Variants in KREMEN1 observed in about 807,000 individuals in gnomAD.
KREMEN1 encodes the protein kringle containing transmembrane protein 1.
Under a neutral mutation model 46.5 loss-of-function variants are expected in KREMEN1, and 30 were observed. The observed-to-expected ratio is 0.65, with a 90% CI of 0.48 to 0.88. The LOEUF (loss-of-function observed/expected upper bound fraction) is 0.88. KREMEN1 is among the 40% of genes least tolerant of loss of function. The pLI, the probability that KREMEN1 is intolerant of heterozygous loss-of-function variation, is 0.00. For synonymous variants in KREMEN1, 214 were observed against 230.6 expected, an observed-to-expected ratio of 0.93 and a Z score of 0.65; for missense variants, 533 against 596.9, an observed-to-expected ratio of 0.89 and a Z score of 1.11.
chr22:29,092,941 C>T (rs1307033658), intron 1 of KREMEN1, among the ~76,000 whole-genome samples: 1 of 152,132 alleles, frequency 6.6e-6, no homozygotes, highest in Admixed American at 6.5e-5. Flanking sequence ...CAACACTGCA[C>T]TCCAGCCTGG....
chr22:29,143,773 G>A lies in KREMEN1; in HGVS notation c.*1661G>A, dbSNP rs957062269. On this transcript the variant is annotated 3_prime_UTR_variant, in exon 9 of 9. Transcript: ENST00000400335. ...AAAAAAAACACTCCAAGGGCCATCC[G>A]TGCTCTCTGCCCCTCCTGTGGGGAC... 9.1e-6 allele frequency: 9 copies of A among 984,468 alleles called. No homozygotes were observed. Among genetic ancestry groups the A allele is most frequent in the African/African-American group, 8.8e-5 (5 of 57,038 alleles). 61.0% of individuals were successfully genotyped at this position (984,468 alleles called of 1,614,324 possible). A position where few individuals can be genotyped will look rare whatever the true frequency, so the allele number is the denominator to read the frequency against.
chr22:29,143,173 CA>C lies in KREMEN1; in HGVS notation c.*1069del, dbSNP rs147727103. Reference sequence around the variant, plus strand: ...CTCAAAAAAACAAAACACAAATAAACAAAAAAAATCCATTCATTTACTCATG... The same window carrying C: ...CTCAAAAAAACAAAACACAAATAAACAAAAAAATCCATTCATTTACTCATG... On this transcript the variant is annotated 3_prime_UTR_variant, in exon 9 of 9. Coordinates refer to ENST00000400335, the MANE Select transcript of KREMEN1 (RefSeq NM_001039570.3). The C allele has an allele frequency of 1.1e-5, 11 of 984,020 alleles. No homozygotes were observed. Among genetic ancestry groups the C allele is most frequent in the Non-Finnish European group, 1.2e-5 (10 of 829,060 alleles). The allele number at this position is 984,020 out of a possible 1,614,324, so 61.0% of individuals were successfully genotyped here.
chr22:29,111,758 G>C (rs1231453143), intron 3 of KREMEN1: 1 of 151,084 alleles, frequency 6.6e-6, no homozygotes, highest in Admixed American at 6.6e-5. Flanking sequence ...CAAGAACTTA[G>C]CATCTGGTTT....
intron 1 of KREMEN1, among the ~76,000 whole-genome samples, chr22:29,088,432 G>A (rs1167747237): frequency 6.6e-6 from 1 of 152,038 alleles, no homozygotes; most frequent in African/African-American, 2.4e-5. Flanking sequence ...AGGCTCAAGC[G>A]ATCCGCCTAC....
rs748712666 is a variant in KREMEN1, at chr22:29,130,666, G to A, written c.631+5250G>A. 5.9e-5 allele frequency among the ~76,000 whole-genome samples: 9 copies of A among 152,214 alleles called. No homozygotes were observed. The East Asian group carries it at 1.5e-3, about 26-fold the overall frequency. The stretch of plus-strand genomic sequence containing the variant: ...AAGTGGAGCACTCAGCTGGGGTTCC[G>A]GGAAGCTGCCTGTCATGACTAGTGC... On this transcript the variant is annotated intron_variant, in intron 5 of 8. Coordinates refer to ENST00000400335, the MANE Select transcript of KREMEN1 (RefSeq NM_001039570.3).
intron 3 of KREMEN1, among the ~76,000 whole-genome samples, chr22:29,120,300 T>C (rs57599096): frequency 1.6e-5 from 1 of 61,844 alleles, no homozygotes; most frequent in African/African-American, 4.5e-5. Flanking sequence ...GAGGTGATGA[T>C]GGAAACAGGG....
Position 29,143,438 on chromosome 22 carries a change from T to A in KREMEN1, c.*1326T>A. The stretch of plus-strand genomic sequence containing the variant: ...TCCTTCCTTCTGGTGTCCCCCGTGT[T>A]AAAAGATAAAAAACACCCCAAGGGC... On this transcript the variant is annotated 3_prime_UTR_variant, in exon 9 of 9. Coordinates refer to ENST00000400335, the MANE Select transcript of KREMEN1 (RefSeq NM_001039570.3). 1 of 985,308 alleles carries A rather than the reference T, an allele frequency of 1.0e-6. No homozygotes were observed. The highest frequency in any genetic ancestry group is 1.2e-6 in the Non-Finnish European group (1 of 829,944). 61.0% of individuals were successfully genotyped at this position (985,308 alleles called of 1,614,324 possible). A position where few individuals can be genotyped will look rare whatever the true frequency, so the allele number is the denominator to read the frequency against.
chr22:29,089,510 C>T (rs2037777444), intron 1 of KREMEN1, among the ~76,000 whole-genome samples: 1 of 152,210 alleles, frequency 6.6e-6, no homozygotes. Flanking sequence ...ACAGTAACTA[C>T]CTACTTTTCT....
chr22:29,145,908 G>A lies in KREMEN1; in HGVS notation c.*3796G>A, dbSNP rs1339270524. On this transcript the variant is annotated 3_prime_UTR_variant, in exon 9 of 9. Transcript: ENST00000400335. ...TGCCTGGGTGCGGCTCCACCCACAT[G>A]CCCCACTGTCAGCCCAGGCAGGAGC... 1 of 985,848 alleles carries A rather than the reference G, an allele frequency of 1.0e-6. No homozygotes were observed. The highest frequency in any genetic ancestry group is 1.2e-6 in the Non-Finnish European group (1 of 830,016). The allele number at this position is 985,848 out of a possible 1,614,324, so 61.1% of individuals were successfully genotyped here.
chr22:29,156,504 C>G (rs955280040), intron 9 of KREMEN1, among the ~76,000 whole-genome samples: 1 of 152,058 alleles, frequency 6.6e-6, no homozygotes, highest in East Asian at 1.9e-4. Context: ...ATTGATTGGG[C>G]CTGTGCTAGA....
chr22:29,080,287 G>A (rs1415660547), intron 1 of KREMEN1, among the ~76,000 whole-genome samples: 3 of 152,232 alleles, frequency 2.0e-5, no homozygotes, highest in Non-Finnish European at 1.5e-5. Context: ...AGAGACTGTA[G>A]CATCTGGTGA....
chr22:29,088,550 G>A (rs753738044), intron 1 of KREMEN1, among the ~76,000 whole-genome samples: 9 of 151,922 alleles, frequency 5.9e-5, no homozygotes, highest in Non-Finnish European at 1.2e-4. Context: ...GGCTGGTCTC[G>A]AACTCTTGAT....
At chr22:29,094,535 T>C in intron 2 of KREMEN1, 115 bp downstream of exon 2, 1 of 765,016 alleles carries the variant, frequency 1.3e-6, no homozygotes, top group Non-Finnish European at 2.0e-6. Flanking sequence ...CTCAAGAGAC[T>C]TATCTTGTCA....
chr22:29,100,273 G>A (rs1254399717), intron 3 of KREMEN1, among the ~76,000 whole-genome samples: 3 of 151,944 alleles, frequency 2.0e-5, no homozygotes, highest in Non-Finnish European at 2.9e-5. Flanking sequence ...GTGCCACCAC[G>A]CCCGGCTAAT....
intron 1 of KREMEN1, among the ~76,000 whole-genome samples, chr22:29,091,631 C>T (rs1023026582): frequency 1.3e-5 from 2 of 152,144 alleles, no homozygotes; most frequent in Non-Finnish European, 2.9e-5. Context: ...TTAACAGAAC[C>T]ACCTGGGCTG....
chr22:29,157,401 G>A (rs755837796), intron 9 of KREMEN1, among the ~76,000 whole-genome samples: 21 of 152,172 alleles, frequency 1.4e-4, no homozygotes, highest in Admixed American at 2.6e-4. Context: ...GCAATGGCAC[G>A]ATCTCAGCTC....
intron 3 of KREMEN1, among the ~76,000 whole-genome samples, chr22:29,103,072 G>T (rs1483726722): frequency 1.3e-5 from 2 of 152,158 alleles, no homozygotes; most frequent in African/African-American, 4.8e-5. Context: ...TAATTGCCTG[G>T]TGGATTTAAC....
intron 9 of KREMEN1, among the ~76,000 whole-genome samples, chr22:29,165,276 A>G (rs2039043354): frequency 6.6e-6 from 1 of 151,980 alleles, no homozygotes; most frequent in Non-Finnish European, 1.5e-5. Flanking sequence ...CCGATGTGGT[A>G]GTGTGTACTT....
Position 29,142,279 on chromosome 22 carries a change from A to C in KREMEN1, c.*167A>C. ...GACTAGGAAGAGGCACCCTGCTGCCAGGGCAGGCAGAGCCTGGATTCCTCC... is the reference window on the plus strand; with the variant it reads ...GACTAGGAAGAGGCACCCTGCTGCCCGGGCAGGCAGAGCCTGGATTCCTCC... On this transcript the variant is annotated 3_prime_UTR_variant, in exon 9 of 9. Coordinates refer to ENST00000400335, the MANE Select transcript of KREMEN1 (RefSeq NM_001039570.3). 1.5e-6 allele frequency: 2 copies of C among 1,329,566 alleles called. No individual in the cohort carries two copies. Among genetic ancestry groups the C allele is most frequent in the Non-Finnish European group, 9.6e-7 (1 of 1,045,094 alleles). 82.4% of individuals were successfully genotyped at this position (1,329,566 alleles called of 1,614,324 possible).
Sources: allele counts gnomAD v4.1 joint callset (sites outside exome capture counted in the v4.1 genomes callset), GRCh38; gene constraint gnomAD v4.1.1; transcripts MANE v1.5; gene names NCBI Gene and HGNC (gene_info 2026-07-23, HGNC 2026-07-21).